The following TENT5D variants were observed in gnomAD, a reference collection of about 807,000 sequenced individuals.
The protein encoded by TENT5D is cancer/testis antigen 112.
For synonymous variants in TENT5D, 103 were observed against 100.6 expected (o/e 1.02, Z -0.15); for missense variants, 191 against 287.0 (o/e 0.67, Z 2.42).
At chrX:80,378,041 G>C (rs1253946444) in intron 3 of TENT5D, among the ~76,000 whole-genome samples, 1 of 112,038 alleles carries the variant, frequency 8.9e-6, no homozygotes, top group Non-Finnish European at 1.9e-5. Context: ...CTTCTTTTGA[G>C]AAGTGTCTGT....
chrX:80,430,013 G>A lies in TENT5D; in HGVS notation c.-141-8597G>A, dbSNP rs757078537. Among the ~76,000 whole-genome samples the A allele has an allele frequency of 2.9e-3, 309 of 106,718 alleles. 2 individuals are homozygous for A. The highest frequency in any genetic ancestry group is 9.5e-3 in the African/African-American group (278 of 29,173). 92.7% of individuals were successfully genotyped at this position (106,718 alleles called of 115,157 possible). Reference sequence around the variant, plus strand: ...TCCTGCTTTTTTTTTTTTCTTCACCGTCTTTCCCTTTTTGACTGGGTTTCT... The same window carrying A: ...TCCTGCTTTTTTTTTTTTCTTCACCATCTTTCCCTTTTTGACTGGGTTTCT... On this transcript the variant is annotated intron_variant, in intron 1 of 2. Transcript: ENST00000308293.
intron 3 of TENT5D, among the ~76,000 whole-genome samples, chrX:80,391,217 T>C (rs973838373): frequency 5.4e-5 from 6 of 111,575 alleles, no homozygotes; most frequent in Non-Finnish European, 1.1e-4. Context: ...AGTGTGATAA[T>C]TGAGAAATTG....
intron 3 of TENT5D, among the ~76,000 whole-genome samples, chrX:80,405,774 C>T: frequency 8.9e-6 from 1 of 112,787 alleles, no homozygotes; most frequent in Non-Finnish European, 1.9e-5. Context: ...GGCCTGCCTG[C>T]CTCTGTAGGC....
At chrX:80,372,685 G>A (rs1457975606) in intron 3 of TENT5D, among the ~76,000 whole-genome samples, 4 of 109,674 alleles carry the variant, frequency 3.6e-5, no homozygotes, top group African/African-American at 6.6e-5. Flanking sequence ...TCAGGAGTTC[G>A]AGAACAGCCT....
intron 3 of TENT5D, among the ~76,000 whole-genome samples, chrX:80,396,942 G>T (rs1277544314): frequency 1.3e-5 from 1 of 76,250 alleles, no homozygotes; most frequent in African/African-American, 4.8e-5. Flanking sequence ...GCGGCTGGCC[G>T]GGCAGAGGGG....
intron 3 of TENT5D, among the ~76,000 whole-genome samples, chrX:80,344,716 C>T (rs1930027466): frequency 9.0e-6 from 1 of 110,978 alleles, no homozygotes; most frequent in Non-Finnish European, 1.9e-5. Flanking sequence ...CCATGAGTAG[C>T]ACTCTTCTAG....
upstream of TENT5D, among the ~76,000 whole-genome samples, chrX:80,418,893 C>G (rs1931829428): frequency 9.0e-6 from 1 of 111,550 alleles, no homozygotes; most frequent in African/African-American, 3.3e-5. Context: ...AAATGGCACC[C>G]TACAAAATAT....
chrX:80,443,182 A>G, exon 3 of TENT5D: 1 of 1,211,254 alleles, frequency 8.3e-7, no homozygotes. Flanking sequence ...CCAGGAAGCA[A>G]TGACACATTT....
intron 3 of TENT5D, among the ~76,000 whole-genome samples, chrX:80,362,131 C>A (rs1027827877): frequency 4.5e-5 from 5 of 110,941 alleles, no homozygotes; most frequent in African/African-American, 6.5e-5. Context: ...TGGCCTCCAG[C>A]TGCATCCATG....
intron 2 of TENT5D, among the ~76,000 whole-genome samples, chrX:80,341,003 A>G (rs746413746): frequency 3.6e-5 from 4 of 112,315 alleles, no homozygotes; most frequent in African/African-American, 1.3e-4. Flanking sequence ...AGCAAGAGCA[A>G]AATAACAACA....
At chrX:80,403,554 T>C (rs748398101) in intron 3 of TENT5D, among the ~76,000 whole-genome samples, 2 of 112,665 alleles carry the variant, frequency 1.8e-5, no homozygotes, top group South Asian at 3.6e-4. Context: ...TTCTTTGTTG[T>C]GGCAAGCTTC....
intron 3 of TENT5D, among the ~76,000 whole-genome samples, chrX:80,382,703 C>CA (rs1569362922): frequency 1.5e-3 from 3 of 1,984 alleles, no homozygotes; most frequent in Non-Finnish European, 3.8e-3. Flanking sequence ...CAATGGCGGA[C>CA]GCCCCCCCCC....
At chrX:80,389,198 T>C (rs1931081362) in intron 3 of TENT5D, among the ~76,000 whole-genome samples, 1 of 111,833 alleles carries the variant, frequency 8.9e-6, no homozygotes, top group African/African-American at 3.3e-5. Context: ...CCAGATACTG[T>C]GATCACTCAT....
At chrX:80,383,718 T>C (rs995065431) in intron 3 of TENT5D, among the ~76,000 whole-genome samples, 7 of 111,045 alleles carry the variant, frequency 6.3e-5, no homozygotes, top group African/African-American at 2.3e-4. Flanking sequence ...TAGCCGGGCA[T>C]GGTGGTGGGC....
At chrX:80,396,156 G>T (rs1460095448) in intron 3 of TENT5D, among the ~76,000 whole-genome samples, 1 of 111,160 alleles carries the variant, frequency 9.0e-6, no homozygotes, top group Non-Finnish European at 1.9e-5. Flanking sequence ...GGGAACATGG[G>T]GGTGCAGATG....
At chrX:80,443,085 C>A in exon 3 of TENT5D, 1 of 1,208,993 alleles carries the variant, frequency 8.3e-7, no homozygotes, top group Non-Finnish European at 1.1e-6. Flanking sequence ...TTTTGGATCC[C>A]ATGTTAGACT....
intron 3 of TENT5D, among the ~76,000 whole-genome samples, chrX:80,392,016 A>G (rs1931137925): frequency 8.9e-6 from 1 of 112,428 alleles, no homozygotes; most frequent in Non-Finnish European, 1.9e-5. Context: ...GATTTTTATC[A>G]TGCTTCTACC....
At chrX:80,389,725 A>T (rs1375310906) in intron 3 of TENT5D, among the ~76,000 whole-genome samples, 1 of 112,280 alleles carries the variant, frequency 8.9e-6, no homozygotes, top group Non-Finnish European at 1.9e-5. Flanking sequence ...ACTGAGAAAT[A>T]ACTATTGGAT....
intron 3 of TENT5D, among the ~76,000 whole-genome samples, chrX:80,400,458 C>G (rs141649708): frequency 1.8e-5 from 2 of 111,718 alleles, no homozygotes; most frequent in African/African-American, 6.5e-5. Context: ...ATGAAGCCCG[C>G]AAATTCATCT....
Sources: allele counts gnomAD v4.1 joint callset (sites outside exome capture counted in the v4.1 genomes callset), GRCh38; gene constraint gnomAD v4.1.1; transcripts MANE v1.5; gene names NCBI Gene and HGNC (gene_info 2026-07-23, HGNC 2026-07-21).